GPATCH2L: variants seen among roughly 807,000 people sequenced by gnomAD.
GPATCH2L encodes G patch domain-containing protein 2-like.
GPATCH2L carries 31 observed loss-of-function variants against 57.4 expected under a neutral mutation model. The observed-to-expected ratio is 0.54, with a 90% CI of 0.41 to 0.73. The LOEUF (loss-of-function observed/expected upper bound fraction) is 0.73, where lower values mean the gene tolerates loss of function less well. Ranked by LOEUF, GPATCH2L falls within the 30% of genes least tolerant of loss-of-function variation. The pLI is 0.00. For missense variants in GPATCH2L, 481 were observed against 599.9 expected (o/e 0.80, Z 2.07); for synonymous variants, 199 against 210.7 (o/e 0.94, Z 0.48).
downstream of GPATCH2L, among the ~76,000 whole-genome samples, chr14:76,217,604 A>AGC (rs2040495536): frequency 6.6e-6 from 1 of 152,106 alleles, no homozygotes; most frequent in African/African-American, 2.4e-5. Flanking sequence ...TTGAAAAAAA[A>AGC]ACCTTGCATG....
At chr14:76,177,038 T>C (rs1327873126) in intron 6 of GPATCH2L, among the ~76,000 whole-genome samples, 2 of 152,128 alleles carry the variant, frequency 1.3e-5, no homozygotes, top group African/African-American at 2.4e-5. Context: ...TTTTAGACCT[T>C]TTCATAGGGA....
At chr14:76,223,010 C>G (rs1452939227) in intron 1 of GPATCH2L, among the ~76,000 whole-genome samples, 1 of 151,612 alleles carries the variant, frequency 6.6e-6, no homozygotes, top group Non-Finnish European at 1.5e-5. Flanking sequence ...ATAACTTTCC[C>G]ACAAAAAAAT....
At chr14:76,216,873 G>C (rs899262568), downstream of GPATCH2L, among the ~76,000 whole-genome samples, 1 of 152,102 alleles carries the variant, frequency 6.6e-6, no homozygotes, top group Admixed American at 6.6e-5. Context: ...AGGCCCAATT[G>C]CATATGAAAG....
At chr14:76,163,035 G>T (rs1039181253) in intron 2 of GPATCH2L, among the ~76,000 whole-genome samples, 1 of 152,160 alleles carries the variant, frequency 6.6e-6, no homozygotes, top group African/African-American at 2.4e-5. Flanking sequence ...AAATTCAAAG[G>T]TATCTTCTGC....
chr14:76,178,395 A>G, intron 7 of GPATCH2L: 1 of 463,066 alleles, frequency 2.2e-6, no homozygotes, highest in Non-Finnish European at 3.4e-6. Flanking sequence ...ACCAGGAACC[A>G]TTTTTGTAGA....
At position 76,155,017 on chromosome 14, in the gene GPATCH2L, G is replaced by A; in HGVS notation, c.654G>A (p.Met218Ile). Residue 218 changes from methionine to isoleucine, a missense_variant, in exon 2 of 10, where the codon ATG (methionine) becomes ATA (isoleucine). Met to Ile is a conservative substitution (Grantham distance 10, BLOSUM62 1). Around this residue, in one of 3 missense-constraint regions of GPATCH2L, gnomAD observed 208 missense variants for 272.4 expected, o/e 0.76. Coordinates refer to ENST00000261530, the MANE Select transcript of GPATCH2L (RefSeq NM_017926.4). ...DEQKQGSDEN[M>I]SECETSSVCS... The stretch of plus-strand genomic sequence containing the variant: ...AAAAACAGGGCTCTGATGAGAACAT[G>A]TCAGAATGGTGAGATCTCCCTTACT... The A allele has an allele frequency of 6.2e-7, 1 of 1,608,012 alleles. No individual in the cohort carries two copies.
chr14:76,170,456 G>T (rs1260451905), intron 3 of GPATCH2L: 1 of 152,204 alleles, frequency 6.6e-6, no homozygotes, highest in Non-Finnish European at 1.5e-5. Flanking sequence ...AAAGAAGTTT[G>T]TACTACCAAC....
chr14:76,185,223 G>C (rs1219746785), intron 8 of GPATCH2L, among the ~76,000 whole-genome samples: 1 of 152,186 alleles, frequency 6.6e-6, no homozygotes, highest in Non-Finnish European at 1.5e-5. Flanking sequence ...TGGTTTGGTT[G>C]TTTTGGTTGC....
At chr14:76,157,508 T>C (rs1478172992) in intron 2 of GPATCH2L, among the ~76,000 whole-genome samples, 2 of 152,250 alleles carry the variant, frequency 1.3e-5, no homozygotes, top group Non-Finnish European at 2.9e-5. Flanking sequence ...GGTTACCCTT[T>C]CATAAATCTA....
intron 1 of GPATCH2L, among the ~76,000 whole-genome samples, chr14:76,153,164 C>T (rs1363600382): frequency 1.3e-5 from 2 of 152,168 alleles, no homozygotes; most frequent in African/African-American, 4.8e-5. Flanking sequence ...ATAGGCACAG[C>T]ATGAAAATAG....
At chr14:76,155,105 A>G (rs1594898837) in intron 2 of GPATCH2L, 80 bp downstream of exon 2, 1 of 1,154,878 alleles carries the variant, frequency 8.7e-7, no homozygotes, top group Non-Finnish European at 1.2e-6. Context: ...AGTGGGTTCT[A>G]CCTTCTTTCA....
chr14:76,198,097 A>G (rs2040210903), intron 9 of GPATCH2L, among the ~76,000 whole-genome samples: 1 of 9,390 alleles, frequency 1.1e-4, no homozygotes, highest in Non-Finnish European at 3.4e-4. Flanking sequence ...AAGACTGTAA[A>G]TGACCATAGG....
At chr14:76,166,795 T>A in intron 3 of GPATCH2L, 68 bp downstream of exon 3, 1 of 1,079,820 alleles carries the variant, frequency 9.3e-7, no homozygotes, top group Non-Finnish European at 1.4e-6. Flanking sequence ...ATCATAGGAG[T>A]GACTCATGGA....
At position 76,178,016 on chromosome 14, in the gene GPATCH2L, C is replaced by T. The variant is rs754927074; in HGVS notation, c.1081C>T (p.Pro361Ser). 2 of 1,607,268 alleles carry T rather than the reference C, an allele frequency of 1.2e-6. No homozygotes were observed. The highest frequency in any genetic ancestry group is 1.1e-5 in the South Asian group (1 of 90,948). ...GAATAAAGCGTTGGCTTCTGATTTT[C>T]CTCACATTTCTGCTTGTGCACATGA... Reference protein sequence around the residue: ...EKNKALASDFPHISACAHEFN... With the variant: ...EKNKALASDFSHISACAHEFN... Residue 361 changes from proline to serine, a missense_variant, in exon 7 of 10, where the codon CCT becomes TCT. This residue lies in a region of GPATCH2L where 248 missense variants were observed against 270.5 expected (regional missense o/e 0.92). Coordinates refer to ENST00000261530, the MANE Select transcript of GPATCH2L (RefSeq NM_017926.4).
chr14:76,157,613 T>C (rs1010891086), intron 2 of GPATCH2L, among the ~76,000 whole-genome samples: 1 of 152,180 alleles, frequency 6.6e-6, no homozygotes, highest in African/African-American at 2.4e-5. Flanking sequence ...ATGATCCACA[T>C]TGTAAGATTA....
intron 2 of GPATCH2L, among the ~76,000 whole-genome samples, chr14:76,158,868 A>G (rs2038435755): frequency 6.6e-6 from 1 of 152,160 alleles, no homozygotes; most frequent in African/African-American, 2.4e-5. Flanking sequence ...ATATGATACT[A>G]TTGTACTTGA....
chr14:76,200,615 A>G (rs1349962923), intron 9 of GPATCH2L, among the ~76,000 whole-genome samples: 1 of 152,142 alleles, frequency 6.6e-6, no homozygotes, highest in East Asian at 1.9e-4. Flanking sequence ...CTTTCAAGAT[A>G]TTTTTACATT....
Position 76,171,856 on chromosome 14 carries a change from G to T in GPATCH2L, c.741G>T (p.Gln247His), listed in dbSNP as rs1236494960. ...NDEGRQGDDE[Q>H]SDWFYEGECV... ...TCTTTACTTTAGGTGATGACGAACA[G>T]AGTGATTGGTTCTATGAAGGAGAAT... Residue 247 changes from glutamine to histidine, a missense_variant, in exon 4 of 10, where the codon CAG becomes CAT. Around this residue, in one of 3 missense-constraint regions of GPATCH2L, gnomAD observed 25 missense variants for 56.9 expected, o/e 0.44. Coordinates refer to ENST00000261530, the MANE Select transcript of GPATCH2L (RefSeq NM_017926.4). 2 of 1,584,674 alleles carry T rather than the reference G, an allele frequency of 1.3e-6. No individual in the cohort carries two copies. The highest frequency in any genetic ancestry group is 1.7e-6 in the Non-Finnish European group (2 of 1,166,026).
chr14:76,192,057 G>T (rs562903667), intron 8 of GPATCH2L, among the ~76,000 whole-genome samples: 1 of 149,218 alleles, frequency 6.7e-6, no homozygotes, highest in Non-Finnish European at 1.5e-5. Context: ...TTCCTGGCTT[G>T]TTTTCACTTA....
Sources: gnomAD v4.1 joint callset for allele counts (sites outside exome capture counted in the v4.1 genomes callset) on GRCh38, gnomAD v4.1.1 for gene constraint, gnomAD v4.1.1 regional missense constraint, MANE v1.5 for transcripts, NCBI Gene and HGNC (gene_info 2026-07-23, HGNC 2026-07-21) for gene names.